NRG1: variants seen among roughly 807,000 people sequenced by gnomAD.
The protein encoded by NRG1 is pro-neuregulin-1, membrane-bound isoform.
In NRG1, 18 loss-of-function variants were observed where a neutral mutation model predicts 63.8. The observed-to-expected ratio is 0.28, with a 90% CI of 0.19 to 0.42. The LOEUF is 0.42. NRG1 is among the 10% of genes least tolerant of loss of function. NRG1 has a pLI of 1.00. For missense variants in NRG1, 762 were observed against 814.7 expected, an observed-to-expected ratio of 0.94 and a Z score of 0.79; for synonymous variants, 302 against 301.3, an observed-to-expected ratio of 1.00 and a Z score of -0.02.
At chr8:32,029,872 A>C (rs1817997059) in intron 1 of NRG1, among the ~76,000 whole-genome samples, 1 of 152,138 alleles carries the variant, frequency 6.6e-6, no homozygotes, top group South Asian at 2.1e-4. Context: ...CAAATTTTAA[A>C]ATTCTGATAT....
chr8:32,023,924 T>C (rs1444446180), intron 1 of NRG1, among the ~76,000 whole-genome samples: 4 of 152,252 alleles, frequency 2.6e-5, no homozygotes, highest in South Asian at 2.1e-4. Context: ...CCTGCTTGCA[T>C]TGGAATACCG....
chr8:32,772,068 T>A (rs532235258), downstream of NRG1, among the ~76,000 whole-genome samples: 650 of 5,804 alleles, frequency 0.11, 72 homozygotes, highest in Middle Eastern at 0.33. Context: ...TATATATATA[T>A]ATATATATAT....
chr8:32,044,673 C>T (rs184292718), intron 1 of NRG1, among the ~76,000 whole-genome samples: 8 of 151,054 alleles, frequency 5.3e-5, no homozygotes, highest in Non-Finnish European at 1.0e-4. Context: ...AAAAAAATTC[C>T]GAACAGTTTG....
At chr8:32,518,488 T>G (rs1343783015) in intron 1 of NRG1, among the ~76,000 whole-genome samples, 5 of 151,912 alleles carry the variant, frequency 3.3e-5, no homozygotes. Context: ...AGGCTTGGAG[T>G]TCCCCATTCC....
At chr8:31,645,285 A>T (rs1412839201) in intron 1 of NRG1, among the ~76,000 whole-genome samples, 3 of 152,190 alleles carry the variant, frequency 2.0e-5, no homozygotes, top group Admixed American at 2.0e-4. Context: ...ATTCTGTTGA[A>T]ATCTAATGTT....
chr8:32,204,250 G>T (rs943120644), intron 1 of NRG1, among the ~76,000 whole-genome samples: 1 of 152,168 alleles, frequency 6.6e-6, no homozygotes, highest in Non-Finnish European at 1.5e-5. Flanking sequence ...GCTCTTACTT[G>T]GTATAAGACA....
At chr8:31,741,453 CA>C (rs1815261750) in intron 1 of NRG1, among the ~76,000 whole-genome samples, 1 of 149,148 alleles carries the variant, frequency 6.7e-6, no homozygotes, top group Admixed American at 6.7e-5. Flanking sequence ...AGACAGGCCG[CA>C]AAAAAAGAAA....
chr8:31,789,578 G>A (rs928274667), intron 1 of NRG1, among the ~76,000 whole-genome samples: 1 of 152,172 alleles, frequency 6.6e-6, no homozygotes. Context: ...ATAGAAGGAA[G>A]AATCCTCACT....
intron 1 of NRG1, among the ~76,000 whole-genome samples, chr8:32,194,574 A>C (rs553330471): frequency 6.6e-6 from 1 of 152,244 alleles, no homozygotes; most frequent in African/African-American, 2.4e-5. Flanking sequence ...TCAGCCCAGT[A>C]GACACTGGGA....
At chr8:31,799,225 A>G (rs1821519202) in intron 1 of NRG1, among the ~76,000 whole-genome samples, 1 of 152,112 alleles carries the variant, frequency 6.6e-6, no homozygotes, top group African/African-American at 2.4e-5. Flanking sequence ...ATGTATCTCT[A>G]AACTTTTGAT....
At chr8:31,730,220 G>A (rs1377262932) in intron 1 of NRG1, among the ~76,000 whole-genome samples, 1 of 152,168 alleles carries the variant, frequency 6.6e-6, no homozygotes, top group Non-Finnish European at 1.5e-5. Flanking sequence ...CCAAGATTCT[G>A]ATAATTGTTG....
At chr8:32,470,241 C>T (rs7821785) in intron 1 of NRG1, among the ~76,000 whole-genome samples, 45,899 of 140,224 alleles carry the variant, frequency 0.33, 7,346 homozygotes, top group South Asian at 0.38. Context: ...AGTGCAGTGG[C>T]GCCATCTCGG....
At chr8:32,337,722 A>G (rs1338342595) in intron 1 of NRG1, among the ~76,000 whole-genome samples, 1 of 35,238 alleles carries the variant, frequency 2.8e-5, no homozygotes. Context: ...GCTATTAAGA[A>G]AAACACATTG....
intron 5 of NRG1, among the ~76,000 whole-genome samples, chr8:32,698,956 A>G (rs1271595303): frequency 6.6e-6 from 1 of 152,212 alleles, no homozygotes; most frequent in African/African-American, 2.4e-5. Context: ...CTTATTGAAA[A>G]TATATTCCAC....
intron 1 of NRG1, among the ~76,000 whole-genome samples, chr8:31,818,390 A>T (rs1038635539): frequency 6.6e-6 from 1 of 152,144 alleles, no homozygotes; most frequent in East Asian, 1.9e-4. Flanking sequence ...AACATTTTAC[A>T]TGCTGGTGTA....
chr8:32,210,327 G>A (rs2132383805), intron 1 of NRG1, among the ~76,000 whole-genome samples: 1 of 152,220 alleles, frequency 6.6e-6, no homozygotes, highest in South Asian at 2.1e-4. Context: ...GATCAGCAGA[G>A]CAATGGCATC....
At chr8:32,461,112 C>CACGGA in intron 1 of NRG1, among the ~76,000 whole-genome samples, 2 of 152,200 alleles carry the variant, frequency 1.3e-5, no homozygotes, top group Middle Eastern at 3.4e-3. Context: ...AGAACTTTCT[C>CACGGA]AACAATTCTG....
chr8:31,706,208 G>GA (rs1180847523), intron 1 of NRG1, among the ~76,000 whole-genome samples: 1 of 151,974 alleles, frequency 6.6e-6, no homozygotes, highest in Non-Finnish European at 1.5e-5. Flanking sequence ...ACTGTTACTA[G>GA]TTTTTTATGT....
intron 5 of NRG1, among the ~76,000 whole-genome samples, chr8:32,621,218 C>G (rs546401574): frequency 4.6e-5 from 7 of 151,940 alleles, no homozygotes; most frequent in Non-Finnish European, 8.8e-5. Flanking sequence ...TTTTTAAGTT[C>G]TTTATACTAA....
Sources: allele counts gnomAD v4.1 joint callset (sites outside exome capture counted in the v4.1 genomes callset), GRCh38; gene constraint gnomAD v4.1.1; transcripts MANE v1.5; gene names NCBI Gene and HGNC (gene_info 2026-07-23, HGNC 2026-07-21).